Variants in CST7 observed in about 807,000 individuals in gnomAD.
CST7 encodes the protein cystatin-F.
CST7 carries 15 observed loss-of-function variants against 13.1 expected under a neutral mutation model. The observed-to-expected ratio is 1.14, with a 90% CI of 0.77 to 1.76. CST7 has a LOEUF of 1.76. Ranked by LOEUF, CST7 falls within the 40% of genes most tolerant of loss-of-function variation. The probability of loss-of-function intolerance (pLI) is 0.00; values close to 1 mark genes in which losing one functional copy is unlikely to be tolerated. For missense variants in CST7, 193 were observed against 178.8 expected, an observed-to-expected ratio of 1.08 and a Z score of -0.45; for synonymous variants, 75 against 66.9, an observed-to-expected ratio of 1.12 and a Z score of -0.59.
rs141449868 is a variant in CST7, at chr20:24,949,483, G to T, written c.-23G>T. 1 of 1,613,900 alleles carries T rather than the reference G, an allele frequency of 6.2e-7. No homozygotes were observed. Among genetic ancestry groups the T allele is most frequent in the African/African-American group, 1.3e-5 (1 of 74,952 alleles). ...CTGCACGGCCACCCCCAACTGCCCC[G>T]CACTGTCCCTACCCGGGCAGCCATG... is the stretch of plus-strand genomic sequence containing the variant. On this transcript the variant is annotated 5_prime_UTR_variant, in exon 1 of 4. Coordinates refer to ENST00000480798, the MANE Select transcript of CST7 (RefSeq NM_003650.4).
In CST7 at chr20:24,958,912, C is replaced by T; in HGVS notation, c.244-16C>T. 6.3e-7 allele frequency: 1 copy of T among 1,589,368 alleles called. No homozygotes were observed. The highest frequency in any genetic ancestry group is 1.1e-5 in the South Asian group (1 of 90,504). ...CTCCCCTGTGCCCAGTAACCCAGTC[C>T]CTTTGCTCCCTCCAGATAGTGAAAG... On this transcript the variant is annotated splice_polypyrimidine_tract_variant and intron_variant, in intron 2 of 3. Coordinates refer to ENST00000480798, the MANE Select transcript of CST7 (RefSeq NM_003650.4).
At chr20:24,951,232 T>C (rs1175688204) in intron 1 of CST7, among the ~76,000 whole-genome samples, 1 of 152,164 alleles carries the variant, frequency 6.6e-6, no homozygotes, top group African/African-American at 2.4e-5. Context: ...GCCTCAGTCC[T>C]ACCATCCATG....
At chr20:24,959,591 G>C in intron 3 of CST7, 44 bp from the exon 4 acceptor site, 1 of 1,590,416 alleles carries the variant, frequency 6.3e-7, no homozygotes, top group Non-Finnish European at 8.6e-7. Context: ...AGGGCTCCCC[G>C]CAGGGAAAGT....
chr20:24,957,758 A>G (rs1215883874), intron 2 of CST7, among the ~76,000 whole-genome samples: 2 of 152,166 alleles, frequency 1.3e-5, no homozygotes, highest in Non-Finnish European at 2.9e-5. Context: ...GGGGCTCCTG[A>G]GGCAGGCGCC....
chr20:24,953,814 C>T (rs1181174986), intron 1 of CST7, among the ~76,000 whole-genome samples: 1 of 152,222 alleles, frequency 6.6e-6, no homozygotes, highest in African/African-American at 2.4e-5. Context: ...TGTTTCTATA[C>T]AGACGGATTT....
chr20:24,950,869 G>A (rs1002531764), intron 1 of CST7, among the ~76,000 whole-genome samples: 1 of 152,202 alleles, frequency 6.6e-6, no homozygotes, highest in Non-Finnish European at 1.5e-5. Flanking sequence ...AGAGAGGCAA[G>A]TTCACTCCAG....
At position 24,958,932 on chromosome 20, in the gene CST7, T is replaced by C. The variant is rs1386426872; in HGVS notation, c.248T>C (p.Val83Ala). The C allele has an allele frequency of 6.2e-7, 1 of 1,612,418 alleles. No individual in the cohort carries two copies. The highest frequency in any genetic ancestry group is 1.7e-5 in the Admixed American group (1 of 60,010). The change falls in exon 3 of 4, where the codon GTG becomes GCG. Residue 83 changes from valine to alanine, a missense_variant. Coordinates refer to ENST00000480798, the MANE Select transcript of CST7 (RefSeq NM_003650.4). ...SRITRALVQIVKGLKYMLEVE... is the reference protein window; with the variant it reads ...SRITRALVQIAKGLKYMLEVE... ...CAGTCCCTTTGCTCCCTCCAGATAG[T>C]GAAAGGCCTGAAATATATGCTGGAG... is the stretch of plus-strand genomic sequence containing the variant.
In CST7 at chr20:24,958,899, C is replaced by T. The variant is rs1021576178; in HGVS notation, c.244-29C>T. ...AAGCCTGCCCTCCCTCCCCTGTGCC[C>T]AGTAACCCAGTCCCTTTGCTCCCTC... On this transcript the variant is annotated intron_variant, in intron 2 of 3. Coordinates refer to ENST00000480798, the MANE Select transcript of CST7 (RefSeq NM_003650.4). 1.9e-6 allele frequency: 3 copies of T among 1,544,280 alleles called. No individual in the cohort carries two copies. In the African/African-American group the frequency reaches 4.1e-5, roughly 21 times the overall value.
chr20:24,953,612 G>A (rs1310351401), intron 1 of CST7, among the ~76,000 whole-genome samples: 1 of 151,982 alleles, frequency 6.6e-6, no homozygotes, highest in East Asian at 1.9e-4. Flanking sequence ...GGCCCTGCCC[G>A]CCCCTGCCTC....
At chr20:24,959,354 T>C (rs1043046760) in intron 3 of CST7, among the ~76,000 whole-genome samples, 1 of 152,090 alleles carries the variant, frequency 6.6e-6, no homozygotes, top group Non-Finnish European at 1.5e-5. Context: ...AAATTATATA[T>C]GTATCATATA....
intron 1 of CST7, among the ~76,000 whole-genome samples, chr20:24,952,420 C>T (rs1600959530): frequency 6.6e-6 from 1 of 152,080 alleles, no homozygotes; most frequent in Non-Finnish European, 1.5e-5. Flanking sequence ...ATGTGTGTGC[C>T]CTCAAAAGAT....
chr20:24,959,455 TAC>T (rs1410379867), intron 3 of CST7, among the ~76,000 whole-genome samples, 178 bp from the exon 4 acceptor site: 16 of 152,334 alleles, frequency 1.1e-4, no homozygotes, highest in Admixed American at 4.6e-4. Flanking sequence ...ATTTAGCAAT[TAC>T]AGAGGTGAAA....
At chr20:24,950,432 G>T (rs757733282) in intron 1 of CST7, among the ~76,000 whole-genome samples, 1 of 152,236 alleles carries the variant, frequency 6.6e-6, no homozygotes, top group African/African-American at 2.4e-5. Context: ...GTTCTTGGAG[G>T]GTTCTCACCT....
In CST7 at chr20:24,949,523, T is replaced by G; in HGVS notation, c.18T>G (p.Thr6=). 1 of 1,614,124 alleles carries G rather than the reference T, an allele frequency of 6.2e-7. No individual in the cohort carries two copies. Among genetic ancestry groups the G allele is most frequent in the South Asian group, 1.1e-5 (1 of 91,090 alleles). The part of the protein sequence containing the change: MRAAG[T]LLAFCCLVLS... ...GGGCAGCCATGCGAGCGGCTGGAAC[T>G]CTGCTGGCCTTCTGCTGCCTGGTCT... The change falls in exon 1 of 4, where the codon ACT becomes ACG. Residue 6 remains threonine (T), a synonymous_variant. Coordinates refer to ENST00000480798, the MANE Select transcript of CST7 (RefSeq NM_003650.4).
chr20:24,953,155 G>A (rs541412973), intron 1 of CST7, among the ~76,000 whole-genome samples: 4 of 152,326 alleles, frequency 2.6e-5, no homozygotes, highest in East Asian at 3.9e-4. Context: ...ACTGGTCCTC[G>A]GGCACCCGGA....
At position 24,949,419 on chromosome 20, in the gene CST7, A is replaced by T; in HGVS notation, c.-87A>T. ...CCAAGAAGGCTCGGCACGGGCACCA[A>T]CCACTGCCTCCAACTGCCCCATGCT... On this transcript the variant is annotated 5_prime_UTR_variant, in exon 1 of 4. Transcript: ENST00000480798. 1 of 1,609,974 alleles carries T rather than the reference A, an allele frequency of 6.2e-7. No individual in the cohort carries two copies. The highest frequency in any genetic ancestry group is 8.5e-7 in the Non-Finnish European group (1 of 1,177,566).
Position 24,957,390 on chromosome 20 carries a change from A to C in CST7, c.174A>C (p.Glu58Asp), listed in dbSNP as rs780600306. The change falls in exon 2 of 4, where the codon GAA becomes GAC. Residue 58 changes from glutamate (E) to aspartate (D), a missense_variant. Glu to Asp is a conservative substitution (Grantham distance 45, BLOSUM62 2). Transcript: ENST00000480798. ...GVLQAARYSV[E>D]KFNNCTNDMF... ...TCCAAGCAGCCAGATACAGTGTTGA[A>C]AAGTTCAACAACTGCACGAACGACA... 1 of 1,613,798 alleles carries C rather than the reference A, an allele frequency of 6.2e-7. No individual in the cohort carries two copies. The highest frequency in any genetic ancestry group is 1.1e-5 in the South Asian group (1 of 91,078).
At chr20:24,958,371 G>T in intron 2 of CST7, among the ~76,000 whole-genome samples, 1 of 152,098 alleles carries the variant, frequency 6.6e-6, no homozygotes, top group East Asian at 1.9e-4. Flanking sequence ...GGACTTGGAG[G>T]TTGTCTCTCT....
intron 1 of CST7, among the ~76,000 whole-genome samples, chr20:24,952,281 G>A (rs2087824506): frequency 6.6e-6 from 1 of 152,236 alleles, no homozygotes; most frequent in Admixed American, 6.5e-5. Context: ...GCTCAGAGAG[G>A]TTAGGCAGCT....
Sources: allele counts gnomAD v4.1 joint callset (sites outside exome capture counted in the v4.1 genomes callset), GRCh38; gene constraint gnomAD v4.1.1; transcripts MANE v1.5; gene names NCBI Gene and HGNC (gene_info 2026-07-23, HGNC 2026-07-21).